HS6ST3: variants seen among roughly 807,000 people sequenced by gnomAD.
HS6ST3 encodes heparan sulfate 6-O-sulfotransferase 3, also known as heparan-sulfate 6-O-sulfotransferase 3.
A neutral mutation model predicts 36.7 loss-of-function variants in HS6ST3; 12 were observed. The observed-to-expected ratio is 0.33, with a 90% CI of 0.21 to 0.53. The LOEUF (loss-of-function observed/expected upper bound fraction) is 0.53. HS6ST3 is among the 20% of genes least tolerant of loss of function. HS6ST3 has a pLI of 0.95. For synonymous variants in HS6ST3, 240 were observed against 257.5 expected (o/e 0.93, Z 0.65); for missense variants, 584 against 640.9 (o/e 0.91, Z 0.96).
chr13:96,277,978 C>G (rs2054756430), intron 1 of HS6ST3, among the ~76,000 whole-genome samples: 1 of 152,150 alleles, frequency 6.6e-6, no homozygotes, highest in Admixed American at 6.6e-5. Flanking sequence ...CTAATTCTGA[C>G]AGCATTGTGC....
rs74671273 is a variant in HS6ST3 at position 96,214,610 on chromosome 13, A to G, written c.707+123041A>G. ...TAATTTTTAATTTTTATGGGTACATAGTAGGTGTATATGGGATGTGCCTTA... is the reference window on the plus strand; with the variant it reads ...TAATTTTTAATTTTTATGGGTACATGGTAGGTGTATATGGGATGTGCCTTA... On this transcript the variant is annotated intron_variant, in intron 1 of 1. Transcript: ENST00000376705. Among the ~76,000 whole-genome samples the G allele has an allele frequency of 7.4e-3, 1,122 of 152,292 alleles. 25 individuals carry two copies. The East Asian group carries it at 0.079, about 11-fold the overall frequency.
At chr13:96,159,153 G>T (rs1042991252) in intron 1 of HS6ST3, among the ~76,000 whole-genome samples, 1 of 152,092 alleles carries the variant, frequency 6.6e-6, no homozygotes, top group Non-Finnish European at 1.5e-5. Context: ...AGCTGGCTGG[G>T]ATAAAGAGCA....
intron 1 of HS6ST3, among the ~76,000 whole-genome samples, chr13:96,390,118 T>G (rs1470476336): frequency 6.6e-6 from 1 of 152,224 alleles, no homozygotes; most frequent in Non-Finnish European, 1.5e-5. Flanking sequence ...TCTTTAGTAT[T>G]GATACAAACT....
intron 1 of HS6ST3, among the ~76,000 whole-genome samples, chr13:96,112,059 CAAAATT>C (rs2053870872): frequency 6.6e-6 from 1 of 151,992 alleles, no homozygotes; most frequent in African/African-American, 2.4e-5. Flanking sequence ...ATGTTGGAAA[CAAAATT>C]AAAACTACAT....
chr13:96,522,479 GA>G (rs1228542952), intron 1 of HS6ST3, among the ~76,000 whole-genome samples: 1 of 152,108 alleles, frequency 6.6e-6, no homozygotes, highest in Non-Finnish European at 1.5e-5. Flanking sequence ...TAGTATGTGG[GA>G]ATCTAAGTCC....
chr13:96,464,163 C>CAAAAAAAAAAAAAAAAAAAAAAA (rs1322172089), intron 1 of HS6ST3, among the ~76,000 whole-genome samples: 332 of 64,700 alleles, frequency 5.1e-3, no homozygotes, highest in Middle Eastern at 0.015. Flanking sequence ...AAAAAAAAAT[C>CAAAAAAAAAAAAAAAAAAAAAAA]AAAGATCTGA....
intron 1 of HS6ST3, among the ~76,000 whole-genome samples, chr13:96,475,726 C>T (rs1030898937): frequency 6.6e-5 from 10 of 151,768 alleles, no homozygotes; most frequent in African/African-American, 2.2e-4. Context: ...ACAATGGTCA[C>T]AGGTCAAAAA....
At chr13:96,288,517 T>G (rs530357288) in intron 1 of HS6ST3, among the ~76,000 whole-genome samples, 1 of 152,232 alleles carries the variant, frequency 6.6e-6, no homozygotes, top group South Asian at 2.1e-4. Context: ...TCTATGAATA[T>G]AATTTGCTGT....
At chr13:96,698,508 A>G (rs752637195) in intron 1 of HS6ST3, among the ~76,000 whole-genome samples, 11 of 152,172 alleles carry the variant, frequency 7.2e-5, no homozygotes, top group Non-Finnish European at 1.0e-4. Flanking sequence ...CCCATTCACA[A>G]TTGCTTCAAA....
Position 96,675,624 on chromosome 13 carries a change from T to G in HS6ST3, c.708-156866T>G, listed in dbSNP as rs1940814506. Among the ~76,000 whole-genome samples the G allele has an allele frequency of 2.0e-5, 3 of 152,298 alleles. No individual in the cohort carries two copies. In the South Asian group the frequency reaches 6.2e-4, roughly 32 times the overall value. On this transcript the variant is annotated intron_variant, in intron 1 of 1. Coordinates refer to ENST00000376705, the MANE Select transcript of HS6ST3 (RefSeq NM_153456.4). ...TTTACCTTTGGAATCTTCTGCCATTTGGAATAACTGTTTTTCCAGTTTCAA... is the reference window on the plus strand; with the variant it reads ...TTTACCTTTGGAATCTTCTGCCATTGGGAATAACTGTTTTTCCAGTTTCAA...
rs185935847 is a variant in HS6ST3 at position 96,748,293 on chromosome 13, G to A, written c.708-84197G>A. On this transcript the variant is annotated intron_variant, in intron 1 of 1. Coordinates refer to ENST00000376705, the MANE Select transcript of HS6ST3 (RefSeq NM_153456.4). ...ACCAATCACTGGTTGGAGAAACAGA[G>A]CTCCTATGCTTGCTAGACAAGGCTT... Among the ~76,000 whole-genome samples, 147 of 152,170 alleles carry A rather than the reference G, an allele frequency of 9.7e-4. 2 individuals carry two copies. The highest frequency in any genetic ancestry group is 8.1e-3 in the Admixed American group (123 of 15,272).
chr13:96,556,749 A>C (rs2056242465), intron 1 of HS6ST3, among the ~76,000 whole-genome samples: 1 of 152,146 alleles, frequency 6.6e-6, no homozygotes, highest in South Asian at 2.1e-4. Flanking sequence ...GATTCCAACT[A>C]TTTTGTCTGT....
chr13:96,136,496 A>G (rs143443992), intron 1 of HS6ST3, among the ~76,000 whole-genome samples: 7 of 152,066 alleles, frequency 4.6e-5, no homozygotes, highest in East Asian at 3.9e-4. Context: ...TGAGGAGTCT[A>G]TCACTATACA....
intron 1 of HS6ST3, among the ~76,000 whole-genome samples, chr13:96,495,674 G>T (rs987225954): frequency 6.6e-6 from 1 of 152,076 alleles, no homozygotes; most frequent in Admixed American, 6.5e-5. Context: ...CTAGCCTGGG[G>T]CAAGGGGAGT....
intron 1 of HS6ST3, among the ~76,000 whole-genome samples, chr13:96,197,387 C>G (rs963195159): frequency 2.6e-5 from 4 of 152,174 alleles, no homozygotes; most frequent in Non-Finnish European, 5.9e-5. Context: ...CTGGGTCCCT[C>G]CCACAACATG....
chr13:96,118,661 TATATATATATATATATATATATATATA>T (rs1594682701), intron 1 of HS6ST3, among the ~76,000 whole-genome samples: 8 of 3,780 alleles, frequency 2.1e-3, no homozygotes, highest in East Asian at 9.4e-3. Context: ...TATATATATA[TATATATATATATATATATATATATATA>T]TTTTTTTTTT....
intron 1 of HS6ST3, among the ~76,000 whole-genome samples, chr13:96,404,048 T>A (rs1170662991): frequency 6.6e-6 from 1 of 152,198 alleles, no homozygotes; most frequent in Non-Finnish European, 1.5e-5. Flanking sequence ...TAAAATGAAC[T>A]GTTTCTGTAG....
intron 1 of HS6ST3, among the ~76,000 whole-genome samples, chr13:96,604,315 AT>A (rs2056431253): frequency 6.6e-6 from 1 of 152,176 alleles, no homozygotes; most frequent in African/African-American, 2.4e-5. Flanking sequence ...TTGTAAAAAT[AT>A]TTTTTAAAAT....
intron 1 of HS6ST3, among the ~76,000 whole-genome samples, chr13:96,178,577 G>A (rs140400258): frequency 6.6e-6 from 1 of 152,126 alleles, no homozygotes; most frequent in Non-Finnish European, 1.5e-5. Flanking sequence ...GTGAGGGTGA[G>A]AAGTGTTCTT....
Sources: allele counts gnomAD v4.1 joint callset (sites outside exome capture counted in the v4.1 genomes callset), GRCh38; gene constraint gnomAD v4.1.1; transcripts MANE v1.5; gene names NCBI Gene and HGNC (gene_info 2026-07-23, HGNC 2026-07-21).